Variants in IDI1 observed in about 807,000 individuals in gnomAD.
IDI1 encodes the protein isopentenyl-diphosphate delta isomerase 1.
In IDI1, 23 loss-of-function variants were observed where a neutral mutation model predicts 32.9. The ratio of observed to expected loss-of-function variants is 0.70; its 90% CI spans 0.50 to 0.99. IDI1 has a LOEUF of 0.99. Among genes scored for constraint, IDI1 ranks in the 50% least tolerant of loss-of-function variants. The probability of loss-of-function intolerance (pLI) is 0.00; values close to 1 mark genes in which losing one functional copy is unlikely to be tolerated. For missense variants in IDI1, 326 were observed against 351.9 expected (o/e 0.93, Z 0.59); for synonymous variants, 133 against 128.2 (o/e 1.04, Z -0.25).
At chr10:1,054,583 A>C in the IDI1 span, among the ~76,000 whole-genome samples, 1 of 152,244 alleles carries the variant, frequency 6.6e-6, no homozygotes, top group African/African-American at 2.4e-5. Context: ...AGGATTCTCC[A>C]CAGCTTCTGC....
chr10:1,042,365 CATCTT>C (rs1262638371), intron 4 of IDI1, among the ~76,000 whole-genome samples: 3 of 152,142 alleles, frequency 2.0e-5, no homozygotes, highest in African/African-American at 4.8e-5. Flanking sequence ...TGAAAATACT[CATCTT>C]AGATTTGATC....
At chr10:1,043,279 T>G (rs1832672144) in intron 3 of IDI1, 22 bp downstream of exon 3, 3 of 1,358,902 alleles carry the variant, frequency 2.2e-6, no homozygotes, top group Non-Finnish European at 3.2e-6. Context: ...AACACAATAT[T>G]GTACATTAAA....
In IDI1 at chr10:1,048,958, G is replaced by C; in HGVS notation, c.46C>G (p.Arg16Gly). 1 of 1,559,336 alleles carries C rather than the reference G, an allele frequency of 6.4e-7. No individual in the cohort carries two copies. The change falls in exon 1 of 5, where the codon CGG becomes GGG. Residue 16 changes from arginine (R) to glycine (G), a missense_variant. Around this residue, in one of 2 missense-constraint regions of IDI1, gnomAD observed 121 missense variants for 78.4 expected, o/e 1.54. Transcript: ENST00000381344. ...CGCACCGCCCACTGGCCCCGCCCCC[G>C]GGCCGCGCAGCCAATCGCTCGCGCC... The part of the protein sequence containing the change: ...ALARAIGCAA[R>G]GRGQWAVRAA...
At chr10:1,049,352 C>G (rs148799580), upstream of IDI1, among the ~76,000 whole-genome samples, 1,285 of 152,320 alleles carry the variant, frequency 8.4e-3, 13 homozygotes, top group African/African-American at 0.021. Context: ...CGCCCGGGCG[C>G]CAAGCCCTGC....
At chr10:1,050,177 A>G (rs543192131), upstream of IDI1, among the ~76,000 whole-genome samples, 1 of 152,360 alleles carries the variant, frequency 6.6e-6, no homozygotes, top group Non-Finnish European at 1.5e-5. Context: ...TTACTAACAT[A>G]GAAATTAAAC....
Position 1,042,676 on chromosome 10 carries a change from C to T in IDI1, c.493G>A (p.Ala165Thr). The T allele has an allele frequency of 6.2e-7, 1 of 1,614,058 alleles. No individual in the cohort carries two copies. The highest frequency in any genetic ancestry group is 8.5e-7 in the Non-Finnish European group (1 of 1,179,934). The change falls in exon 4 of 5, where the codon GCA becomes ACA. Residue 165 changes from alanine to threonine, a missense_variant. By Grantham distance (58) the Ala-to-Thr change is moderately conservative (BLOSUM62 0). Transcript: ENST00000381344. ...ESDALGVRRA[A>T]QRRLKAELGI... is the part of the protein sequence containing the mutation. Reference sequence around the variant, plus strand: ...AGCTCAGCTTTCAGCCGTCTCTGTGCTGCTCGCCTCACTCCAAGGGCGTCA... The same window carrying T: ...AGCTCAGCTTTCAGCCGTCTCTGTGTTGCTCGCCTCACTCCAAGGGCGTCA...
At chr10:1,052,188 T>TA (rs1486306839), upstream of IDI1, among the ~76,000 whole-genome samples, 1 of 152,216 alleles carries the variant, frequency 6.6e-6, no homozygotes, top group Non-Finnish European at 1.5e-5. Flanking sequence ...CTTCCAAAGT[T>TA]AGAGTCAATC....
chr10:1,042,557 TAAA>T (rs750325282), intron 4 of IDI1, 72 bp downstream of exon 4: 1 of 1,486,934 alleles, frequency 6.7e-7, no homozygotes, highest in Non-Finnish European at 9.3e-7. Flanking sequence ...CATTTGAATT[TAAA>T]AATTTTATTA....
intron 1 of IDI1, chr10:1,048,661 G>A: frequency 1.4e-6 from 2 of 1,409,748 alleles, no homozygotes; most frequent in South Asian, 1.5e-5. Flanking sequence ...CGCCTTCCAC[G>A]GGGCGCGGGC....
Position 1,049,094 on chromosome 10 carries a change from C to T in IDI1, c.-91G>A. Reference sequence around the variant, plus strand: ...CCACCTCCCTGGCCTGTGACAACGGCAGACGCGCGAAGCACCGGGAACCTG... The same window carrying T: ...CCACCTCCCTGGCCTGTGACAACGGTAGACGCGCGAAGCACCGGGAACCTG... On this transcript the variant is annotated 5_prime_UTR_variant, in exon 1 of 5. Coordinates refer to ENST00000381344, the MANE Select transcript of IDI1 (RefSeq NM_004508.4). The T allele has an allele frequency of 7.1e-7, 1 of 1,407,632 alleles. No individual in the cohort carries two copies. Among genetic ancestry groups the T allele is most frequent in the African/African-American group, 1.5e-5 (1 of 65,946 alleles). The allele number at this position is 1,407,632 out of a possible 1,614,324, so 87.2% of individuals were successfully genotyped here. A position where few individuals can be genotyped will look rare whatever the true frequency, so the allele number is the denominator to read the frequency against.
chr10:1,043,958 A>G (rs953808101), intron 2 of IDI1, 41 bp downstream of exon 2: 11 of 1,568,190 alleles, frequency 7.0e-6, no homozygotes, highest in Middle Eastern at 4.7e-4. Context: ...GGAAATGCCT[A>G]CACAAATCGC....
At chr10:1,048,524 A>G in intron 1 of IDI1, 1 of 1,269,152 alleles carries the variant, frequency 7.9e-7, no homozygotes, top group South Asian at 1.5e-5. Context: ...GAGACTCGCA[A>G]CTCTTAGTCT....
At chr10:1,054,607 T>TA in the IDI1 span, among the ~76,000 whole-genome samples, 2 of 152,258 alleles carry the variant, frequency 1.3e-5, no homozygotes, top group Admixed American at 1.3e-4. Context: ...AGGGAGAATG[T>TA]AACTGGATAC....
rs139754347 is a variant in IDI1, at chr10:1,041,549, T to A, written c.538-45A>T. ...AAAGTAATTAAAACATCGGCCACCGTAACAAAAAAAATCTAAAATTAGCTC... is the reference window on the plus strand; with the variant it reads ...AAAGTAATTAAAACATCGGCCACCGAAACAAAAAAAATCTAAAATTAGCTC... On this transcript the variant is annotated intron_variant, in intron 4 of 4. Transcript: ENST00000381344. 4.7e-3 allele frequency: 5,341 copies of A among 1,141,082 alleles called. 22 individuals are homozygous for A. The highest frequency in any genetic ancestry group is 6.0e-3 in the Non-Finnish European group (4,867 of 815,340). The allele number at this position is 1,141,082 out of a possible 1,614,324, so 70.7% of individuals were successfully genotyped here. A position where few individuals can be genotyped will look rare whatever the true frequency, so the allele number is the denominator to read the frequency against.
chr10:1,052,779 C>T (rs569330562), upstream of IDI1, among the ~76,000 whole-genome samples: 37 of 152,268 alleles, frequency 2.4e-4, no homozygotes, highest in African/African-American at 7.5e-4. Context: ...GCACTGGCTT[C>T]AACATAAAGT....
At chr10:1,055,342 T>G in the IDI1 span, among the ~76,000 whole-genome samples, 1 of 152,242 alleles carries the variant, frequency 6.6e-6, no homozygotes, top group African/African-American at 2.4e-5. Flanking sequence ...TTGTGACATG[T>G]CATGCTCTCA....
chr10:1,043,612 C>A (rs566865409), intron 2 of IDI1: 16 of 670,924 alleles, frequency 2.4e-5, no homozygotes, highest in Non-Finnish European at 4.1e-5. Flanking sequence ...ATGCTGGTGG[C>A]CCCTTTCCGG....
upstream of IDI1, chr10:1,049,290 T>G (rs949725504): frequency 4.4e-6 from 2 of 451,976 alleles, no homozygotes; most frequent in Non-Finnish European, 7.7e-6. Context: ...GTGCCTAACG[T>G]CAGACGTCTC....
At chr10:1,043,662 G>A in intron 2 of IDI1, 1 of 650,462 alleles carries the variant, frequency 1.5e-6, no homozygotes, top group South Asian at 1.5e-5. Context: ...TTCTCGGAAA[G>A]TGGTGAAGGC....
Sources: allele counts gnomAD v4.1 joint callset (sites outside exome capture counted in the v4.1 genomes callset), GRCh38; gene constraint gnomAD v4.1.1; regional missense constraint gnomAD v4.1.1; transcripts MANE v1.5; gene names NCBI Gene and HGNC (gene_info 2026-07-23, HGNC 2026-07-21).